PRKG1: variants seen among roughly 807,000 people sequenced by gnomAD.
PRKG1 encodes the protein protein kinase cGMP-dependent 1.
In PRKG1, 35 loss-of-function variants were observed where a neutral mutation model predicts 88.1. The ratio of observed to expected loss-of-function variants is 0.40; its 90% CI spans 0.30 to 0.53. The LOEUF is 0.53. Among genes scored for constraint, PRKG1 ranks in the 20% least tolerant of loss-of-function variants. The probability of loss-of-function intolerance (pLI) is 0.59; values close to 1 mark genes in which losing one functional copy is unlikely to be tolerated. For missense variants in PRKG1, 540 were observed against 839.8 expected, an observed-to-expected ratio of 0.64 and a Z score of 4.41; for synonymous variants, 303 against 292.5, an observed-to-expected ratio of 1.04 and a Z score of -0.37.
At chr10:51,788,584 A>G (rs1285191189) in intron 3 of PRKG1, among the ~76,000 whole-genome samples, 1 of 152,176 alleles carries the variant, frequency 6.6e-6, no homozygotes, top group Admixed American at 6.5e-5. Flanking sequence ...AAAGTCTACT[A>G]GCGCCTAGAA....
At chr10:51,936,913 T>C (rs1359898292) in intron 5 of PRKG1, among the ~76,000 whole-genome samples, 1 of 151,862 alleles carries the variant, frequency 6.6e-6, no homozygotes, top group Admixed American at 6.6e-5. Context: ...TAGATGACAG[T>C]TCTCATTTTG....
At chr10:51,480,812 A>G (rs1201493022) in intron 3 of PRKG1, among the ~76,000 whole-genome samples, 1 of 152,192 alleles carries the variant, frequency 6.6e-6, no homozygotes. Flanking sequence ...AAATGTGGCC[A>G]TGAGATGTAA....
chr10:50,999,571 T>C (rs910259073), intron 1 of PRKG1, among the ~76,000 whole-genome samples: 8 of 152,248 alleles, frequency 5.3e-5, no homozygotes, highest in Admixed American at 5.2e-4. Flanking sequence ...TGACCTCAAA[T>C]GCTGGAAAAG....
chr10:52,003,112 G>T (rs1844642224), intron 5 of PRKG1, among the ~76,000 whole-genome samples: 1 of 152,104 alleles, frequency 6.6e-6, no homozygotes, highest in Non-Finnish European at 1.5e-5. Flanking sequence ...TTCCATCCCG[G>T]TATCATTCTT....
chr10:52,239,470 A>C (rs543035909), intron 9 of PRKG1, among the ~76,000 whole-genome samples: 1 of 148,598 alleles, frequency 6.7e-6, no homozygotes, highest in South Asian at 2.1e-4. Flanking sequence ...GAAAGCCAAT[A>C]AAATATATAT....
intron 3 of PRKG1, among the ~76,000 whole-genome samples, chr10:51,706,386 A>T (rs976550423): frequency 7.9e-5 from 12 of 152,214 alleles, no homozygotes; most frequent in African/African-American, 2.7e-4. Flanking sequence ...ACTTATACAC[A>T]GGATGAATCA....
intron 9 of PRKG1, among the ~76,000 whole-genome samples, chr10:52,240,037 A>G (rs939842037): frequency 1.3e-5 from 2 of 152,182 alleles, no homozygotes; most frequent in Admixed American, 6.6e-5. Flanking sequence ...ATCCCTTTAT[A>G]AAGTTATCTG....
At chr10:52,022,239 G>A (rs1488616620) in intron 5 of PRKG1, among the ~76,000 whole-genome samples, 1 of 152,104 alleles carries the variant, frequency 6.6e-6, no homozygotes, top group Non-Finnish European at 1.5e-5. Context: ...TATGATGCTT[G>A]GTAGGTTAGG....
chr10:51,935,856 T>C (rs772791457), intron 5 of PRKG1, among the ~76,000 whole-genome samples: 1 of 152,128 alleles, frequency 6.6e-6, no homozygotes, highest in Non-Finnish European at 1.5e-5. Context: ...TAAACTTTCC[T>C]GAAGTTACTT....
chr10:51,108,738 CTTCAG>C (rs1353085683), intron 1 of PRKG1, among the ~76,000 whole-genome samples: 2 of 152,162 alleles, frequency 1.3e-5, no homozygotes, highest in Non-Finnish European at 2.9e-5. Context: ...TCTCTTTCCA[CTTCAG>C]TTCAACATTG....
At chr10:52,029,201 A>G (rs996625744) in intron 5 of PRKG1, among the ~76,000 whole-genome samples, 1 of 152,208 alleles carries the variant, frequency 6.6e-6, no homozygotes, top group African/African-American at 2.4e-5. Flanking sequence ...TTATTCCAAA[A>G]TAGAAAAGTC....
chr10:51,187,360 A>G (rs1837518630), intron 2 of PRKG1, among the ~76,000 whole-genome samples: 1 of 152,006 alleles, frequency 6.6e-6, no homozygotes, highest in South Asian at 2.1e-4. Context: ...AAACTTGGCT[A>G]TTTCTTGAGA....
intron 5 of PRKG1, among the ~76,000 whole-genome samples, chr10:51,966,963 G>T (rs900251790): frequency 2.0e-5 from 3 of 152,194 alleles, no homozygotes; most frequent in Non-Finnish European, 4.4e-5. Context: ...CTGTTGGTGG[G>T]ACGGTAAACT....
intron 6 of PRKG1, among the ~76,000 whole-genome samples, chr10:52,058,573 G>A (rs1467044561): frequency 6.6e-6 from 1 of 151,986 alleles, no homozygotes; most frequent in Non-Finnish European, 1.5e-5. Flanking sequence ...CAAAAGGAAA[G>A]TCTTTTCAAC....
At chr10:52,268,544 A>G (rs978209104) in intron 10 of PRKG1, among the ~76,000 whole-genome samples, 2 of 152,054 alleles carry the variant, frequency 1.3e-5, no homozygotes, top group African/African-American at 4.8e-5. Flanking sequence ...CTTAAAGGTA[A>G]TAGAAATATT....
chr10:51,628,965 C>CAAAAAAAAAAAA (rs199634329), intron 3 of PRKG1, among the ~76,000 whole-genome samples: 1 of 98,426 alleles, frequency 1.0e-5, no homozygotes, highest in East Asian at 5.1e-4. Flanking sequence ...GACTCCGTCT[C>CAAAAAAAAAAAA]AAAAAAAAAA....
intron 3 of PRKG1, among the ~76,000 whole-genome samples, chr10:51,592,291 T>A (rs928064980): frequency 2.0e-5 from 3 of 152,208 alleles, no homozygotes; most frequent in African/African-American, 7.2e-5. Context: ...TTGAATGGTT[T>A]GGTGAGTTGC....
chr10:51,082,587 G>A (rs576482739), intron 1 of PRKG1, among the ~76,000 whole-genome samples: 38 of 152,270 alleles, frequency 2.5e-4, no homozygotes, highest in Middle Eastern at 6.8e-3. Context: ...CAAGAGGAGT[G>A]TGTGTGTTTG....
chr10:52,040,832 C>CTTTTTTT (rs11312625), intron 5 of PRKG1, among the ~76,000 whole-genome samples: 1,307 of 84,716 alleles, frequency 0.015, 11 homozygotes, highest in Non-Finnish European at 0.021. Flanking sequence ...AATGGCTTTT[C>CTTTTTTT]TTTTTTTTTT....
Sources: gnomAD v4.1 joint callset for allele counts (sites outside exome capture counted in the v4.1 genomes callset) on GRCh38, gnomAD v4.1.1 for gene constraint, MANE v1.5 for transcripts, NCBI Gene and HGNC (gene_info 2026-07-23, HGNC 2026-07-21) for gene names.